C2CD2: variants seen among roughly 807,000 people sequenced by gnomAD.
C2CD2 encodes the protein C2 calcium dependent domain containing 2.
In C2CD2, 43 loss-of-function variants were observed where a neutral mutation model predicts 74.3. The observed-to-expected ratio is 0.58, with a 90% CI of 0.45 to 0.75. C2CD2 has a LOEUF of 0.75. Among genes scored for constraint, C2CD2 ranks in the 30% least tolerant of loss-of-function variants. The pLI is 0.00. For missense variants in C2CD2, 801 were observed against 916.3 expected, an observed-to-expected ratio of 0.87 and a Z score of 1.63; for synonymous variants, 422 against 390.7, an observed-to-expected ratio of 1.08 and a Z score of -0.94.
At chr21:41,933,945 G>A (rs1277464842) in intron 2 of C2CD2, among the ~76,000 whole-genome samples, 4 of 152,104 alleles carry the variant, frequency 2.6e-5, no homozygotes, top group Admixed American at 6.6e-5. Context: ...AACAAAACAA[G>A]AGTCCGTGTG....
intron 1 of C2CD2, among the ~76,000 whole-genome samples, chr21:41,947,112 T>TTCTCTCCTTCTCTCTCTC: frequency 3.8e-5 from 1 of 26,216 alleles, no homozygotes; most frequent in South Asian, 1.1e-3. Context: ...CCTTTCTCTT[T>TTCTCTCCTTCTCTCTCTC]TCTCTCTCTC....
In C2CD2 at chr21:41,907,728, G is replaced by A. The variant is rs1440566973; in HGVS notation, c.1075C>T (p.Pro359Ser). 1.2e-6 allele frequency: 2 copies of A among 1,613,448 alleles called. No homozygotes were observed. Among genetic ancestry groups the A allele is most frequent in the Non-Finnish European group, 1.7e-6 (2 of 1,179,836 alleles). The change falls in exon 9 of 14, where the codon CCA becomes TCA. Residue 359 changes from proline (P) to serine (S), a missense_variant. Coordinates refer to ENST00000380486, the MANE Select transcript of C2CD2 (RefSeq NM_015500.2). ...CCGCTGGTCAGCGTGAAGCTCTGTG[G>A]CCCAGAAGGCTGCTTCTTAAATAAG... ...LDLFKKQPSG[P>S]QSFTLTSGSA... is the part of the protein sequence containing the mutation.
Position 41,907,680 on chromosome 21 carries a change from G to A in C2CD2, c.1123C>T (p.Leu375=), listed in dbSNP as rs771721361. 1 of 1,612,030 alleles carries A rather than the reference G, an allele frequency of 6.2e-7. No individual in the cohort carries two copies. Among genetic ancestry groups the A allele is most frequent in the Non-Finnish European group, 8.5e-7 (1 of 1,179,732 alleles). ...CCTACCTCTGCCGTGACCGAGCCCA[G>A]CACCGAGCTGCCGCAGGCAGACCCG... is the stretch of plus-strand genomic sequence containing the variant. ...TSGSACGSSV[L]GSVTAEFSYM... The change falls in exon 9 of 14, where the codon CTG becomes TTG. Residue 375 remains leucine, a synonymous_variant. Transcript: ENST00000380486.
intron 6 of C2CD2, among the ~76,000 whole-genome samples, chr21:41,914,149 C>T (rs1238870440): frequency 6.6e-6 from 1 of 151,976 alleles, no homozygotes; most frequent in Admixed American, 6.6e-5. Flanking sequence ...TCGCTTGAAC[C>T]CAGGAGGTGG....
intron 3 of C2CD2, among the ~76,000 whole-genome samples, chr21:41,921,581 G>A (rs1342757584): frequency 6.6e-6 from 1 of 152,208 alleles, no homozygotes; most frequent in African/African-American, 2.4e-5. Flanking sequence ...ACTGAAAAGA[G>A]GAATGCCCCA....
chr21:41,932,462 G>A (rs918283653), intron 2 of C2CD2, among the ~76,000 whole-genome samples: 2 of 150,670 alleles, frequency 1.3e-5, no homozygotes. Flanking sequence ...TCAGAAGAAC[G>A]GGGGCAACCC....
Position 41,953,702 on chromosome 21 carries a change from C to A in C2CD2, c.-54G>T, listed in dbSNP as rs1035573493. On this transcript the variant is annotated 5_prime_UTR_variant, in exon 1 of 14. Transcript: ENST00000380486. The stretch of plus-strand genomic sequence containing the variant: ...CTTCCCCGGCAGCCCCGGGCCGGAA[C>A]GGCGGACTCAGGACACGCGCTGGCT... 1 of 1,326,942 alleles carries A rather than the reference C, an allele frequency of 7.5e-7. No homozygotes were observed. Among genetic ancestry groups the A allele is most frequent in the Admixed American group, 4.0e-5 (1 of 25,016 alleles). 82.2% of individuals were successfully genotyped at this position (1,326,942 alleles called of 1,614,324 possible).
intron 2 of C2CD2, among the ~76,000 whole-genome samples, chr21:41,937,098 C>T (rs960590364): frequency 8.6e-5 from 13 of 151,622 alleles, no homozygotes; most frequent in African/African-American, 1.9e-4. Context: ...GGATTATAGG[C>T]GTGAGCCACC....
intron 1 of C2CD2, among the ~76,000 whole-genome samples, chr21:41,948,074 T>C (rs1010623592): frequency 1.3e-5 from 2 of 152,272 alleles, no homozygotes; most frequent in African/African-American, 2.4e-5. Context: ...GGTTTGGCAT[T>C]GATGACTTGC....
At chr21:41,908,178 C>G (rs922437457) in intron 8 of C2CD2, 1 of 263,098 alleles carries the variant, frequency 3.8e-6, no homozygotes, top group African/African-American at 2.4e-5. Context: ...TATCTCCATT[C>G]CTGGGAAAAT....
At position 41,903,086 on chromosome 21, in the gene C2CD2, C is replaced by T. The variant is rs1281472209; in HGVS notation, c.1433-1337G>A. On this transcript the variant is annotated intron_variant, in intron 11 of 13. Transcript: ENST00000380486. This position sits in a 1 kb window ranked among gnomAD's most constrained non-coding sequence, Gnocchi z 4.5. Reference sequence around the variant, plus strand: ...CCCCTAAATGACAGGGCTCAGGGAGCGTCCAGGTTGTGAACCAACGCATGC... The same window carrying T: ...CCCCTAAATGACAGGGCTCAGGGAGTGTCCAGGTTGTGAACCAACGCATGC... 6.6e-6 allele frequency among the ~76,000 whole-genome samples: 1 copy of T among 152,126 alleles called. No homozygotes were observed. The highest frequency in any genetic ancestry group is 1.5e-5 in the Non-Finnish European group (1 of 68,030).
intron 11 of C2CD2, among the ~76,000 whole-genome samples, chr21:41,902,380 C>T (rs8133006): frequency 0.63 from 95,745 of 152,106 alleles, 32,368 homozygotes; most frequent in Non-Finnish European, 0.76. Flanking sequence ...AGAATGCTTA[C>T]GGCAAACCAG....
At position 41,892,631 on chromosome 21, in the gene C2CD2, T is replaced by G. The variant is rs12627539; in HGVS notation, c.1871-3287A>C. On this transcript the variant is annotated intron_variant, in intron 13 of 13. Transcript: ENST00000380486. This position sits in a 1 kb window ranked among gnomAD's most constrained non-coding sequence, Gnocchi z 4.6. ...CAGGCCCTTCCTGGAGAATCTGGCA[T>G]GATGGGGGTCTGGGGACACTGGGCA... is the stretch of plus-strand genomic sequence containing the variant. 0.13 allele frequency among the ~76,000 whole-genome samples: 20,440 copies of G among 152,168 alleles called. 1,797 individuals are homozygous for G. The highest frequency in any genetic ancestry group is 0.24 in the East Asian group (1,251 of 5,166).
At chr21:41,951,290 C>T (rs1183689697) in intron 1 of C2CD2, among the ~76,000 whole-genome samples, 2 of 152,244 alleles carry the variant, frequency 1.3e-5, no homozygotes, top group African/African-American at 4.8e-5. Flanking sequence ...CAGATCCTAT[C>T]TGCCTGCAAA....
chr21:41,918,885 C>T lies in C2CD2; in HGVS notation c.568G>A (p.Val190Ile), dbSNP rs764472590. 8.7e-6 allele frequency: 14 copies of T among 1,614,102 alleles called. No individual in the cohort carries two copies. Among genetic ancestry groups the T allele is most frequent in the East Asian group, 4.5e-5 (2 of 44,890 alleles). Residue 190 changes from valine to isoleucine, a missense_variant, in exon 4 of 14, where the codon GTT becomes ATT. Transcript: ENST00000380486. ...WSFISVPEMA[V>I]NIQPKALGED... Reference sequence around the variant, plus strand: ...CCCAGTGCTTTGGGCTGGATATTAACGGCCATTTCCGGCACACTGATGAAA... The same window carrying T: ...CCCAGTGCTTTGGGCTGGATATTAATGGCCATTTCCGGCACACTGATGAAA...
intron 10 of C2CD2, among the ~76,000 whole-genome samples, chr21:41,906,753 A>G (rs2064966338): frequency 6.6e-6 from 1 of 152,212 alleles, no homozygotes; most frequent in African/African-American, 2.4e-5. Context: ...AGAATATACC[A>G]TGGGAATTGA....
chr21:41,943,952 T>C (rs2146229451), intron 1 of C2CD2, among the ~76,000 whole-genome samples: 1 of 152,326 alleles, frequency 6.6e-6, no homozygotes, highest in South Asian at 2.1e-4. Flanking sequence ...GGCCACGCTC[T>C]GAGCTTGGTG....
rs201274698 is a variant in C2CD2 at position 41,921,966 on chromosome 21, C to G, written c.492+6G>C. 184 of 1,593,474 alleles carry G rather than the reference C, an allele frequency of 1.2e-4. No individual in the cohort carries two copies. The highest frequency in any genetic ancestry group is 1.3e-4 in the Non-Finnish European group (149 of 1,161,306). ...CTCATAACTTGCAAAGTCTACACAT[C>G]TTTACCTGTAAATGGAAAGGGGAGA... On this transcript the variant is annotated splice_donor_region_variant and intron_variant, in intron 3 of 13. Transcript: ENST00000380486.
Position 41,892,583 on chromosome 21 carries a change from G to A in C2CD2, c.1871-3239C>T, listed in dbSNP as rs2064767586. On this transcript the variant is annotated intron_variant, in intron 13 of 13. Transcript: ENST00000380486. This position sits in a 1 kb window ranked among gnomAD's most constrained non-coding sequence, Gnocchi z 4.6. Reference sequence around the variant, plus strand: ...TCAGCCCCGAGCCCTCCAAACAACAGGCCTCTAAGGACAACAGGCGTGCAG... The same window carrying A: ...TCAGCCCCGAGCCCTCCAAACAACAAGCCTCTAAGGACAACAGGCGTGCAG... Among the ~76,000 whole-genome samples the A allele has an allele frequency of 6.6e-6, 1 of 152,192 alleles. No homozygotes were observed. The highest frequency in any genetic ancestry group is 1.5e-5 in the Non-Finnish European group (1 of 68,024).
Sources: allele counts gnomAD v4.1 joint callset (sites outside exome capture counted in the v4.1 genomes callset), GRCh38; gene constraint gnomAD v4.1.1; non-coding constraint Gnocchi (gnomAD v3.1); transcripts MANE v1.5; gene names NCBI Gene and HGNC (gene_info 2026-07-23, HGNC 2026-07-21).